The following MPPED2 variants were observed in gnomAD, a reference collection of about 807,000 sequenced individuals.
The protein encoded by MPPED2 is metallophosphoesterase MPPED2.
Under a neutral mutation model 33.0 loss-of-function variants are expected in MPPED2, and 5 were observed. The observed-to-expected ratio is 0.15, with a 90% CI of 0.08 to 0.32. The LOEUF is 0.32. MPPED2 is among the 10% of genes least tolerant of loss of function. The pLI is 1.00. For missense variants in MPPED2, 275 were observed against 372.1 expected (o/e 0.74, Z 2.15); for synonymous variants, 136 against 141.9 (o/e 0.96, Z 0.29).
intron 2 of MPPED2, among the ~76,000 whole-genome samples, chr11:30,565,791 C>A (rs923608109): frequency 2.0e-4 from 31 of 152,094 alleles, no homozygotes; most frequent in African/African-American, 7.5e-4. Flanking sequence ...GGATCTTTTC[C>A]TGATCATTTG....
intron 3 of MPPED2, among the ~76,000 whole-genome samples, chr11:30,509,711 G>A (rs1953042125): frequency 6.6e-6 from 1 of 152,164 alleles, no homozygotes; most frequent in South Asian, 2.1e-4. Flanking sequence ...AAAATCAAGG[G>A]ACAGCAGGGT....
chr11:30,480,126 C>A (rs758371516), intron 4 of MPPED2, among the ~76,000 whole-genome samples: 1 of 152,096 alleles, frequency 6.6e-6, no homozygotes, highest in African/African-American at 2.4e-5. Context: ...TGAAGCTTCT[C>A]GTGTTTGGGG....
At chr11:30,386,887 A>T in exon 7 of MPPED2, 1 of 397,742 alleles carries the variant, frequency 2.5e-6, no homozygotes, top group Non-Finnish European at 4.4e-6. Context: ...GCCAACACTT[A>T]TTAAGCATCT....
chr11:30,408,777 G>A (rs900260854), downstream of MPPED2, among the ~76,000 whole-genome samples: 2 of 152,208 alleles, frequency 1.3e-5, no homozygotes, highest in Non-Finnish European at 2.9e-5. Context: ...AGGCTTATGT[G>A]ACCTTACGCA....
chr11:30,413,615 C>A (rs1948211444), intron 6 of MPPED2, among the ~76,000 whole-genome samples: 1 of 152,206 alleles, frequency 6.6e-6, no homozygotes, highest in African/African-American at 2.4e-5. Flanking sequence ...TTCTGCTTAA[C>A]CTCAGCCTGA....
chr11:30,436,342 C>T (rs771801662), intron 4 of MPPED2, among the ~76,000 whole-genome samples: 1 of 152,166 alleles, frequency 6.6e-6, no homozygotes, highest in Non-Finnish European at 1.5e-5. Context: ...CTTGAAGCCA[C>T]TCCAAGGTTC....
intron 2 of MPPED2, among the ~76,000 whole-genome samples, chr11:30,536,530 C>G (rs569359421): frequency 6.6e-5 from 10 of 152,194 alleles, no homozygotes; most frequent in Non-Finnish European, 5.9e-5. Context: ...TCTCTCTCAT[C>G]ATGCTCCAAT....
downstream of MPPED2, among the ~76,000 whole-genome samples, chr11:30,384,274 G>A: frequency 6.6e-6 from 1 of 152,092 alleles, no homozygotes; most frequent in East Asian, 1.9e-4. Context: ...TTGAGTTCAG[G>A]AATCAATAAC....
intron 4 of MPPED2, among the ~76,000 whole-genome samples, chr11:30,466,512 C>G (rs1361114985): frequency 1.3e-5 from 2 of 152,178 alleles, no homozygotes; most frequent in Admixed American, 1.3e-4. Context: ...GAGGAAAGGG[C>G]CCTTCAGGGA....
chr11:30,572,295 T>C (rs1486698686), intron 2 of MPPED2, among the ~76,000 whole-genome samples: 1 of 152,136 alleles, frequency 6.6e-6, no homozygotes, highest in East Asian at 1.9e-4. Flanking sequence ...TAATTTTAGA[T>C]TGCTTCTTTA....
At chr11:30,496,179 A>G (rs539622311) in intron 3 of MPPED2, among the ~76,000 whole-genome samples, 22 of 152,230 alleles carry the variant, frequency 1.4e-4, no homozygotes, top group Non-Finnish European at 2.8e-4. Flanking sequence ...TATTTATGGT[A>G]TGGAAATGTG....
intron 3 of MPPED2, among the ~76,000 whole-genome samples, chr11:30,501,202 C>T (rs990409536): frequency 2.4e-4 from 37 of 152,160 alleles, no homozygotes; most frequent in African/African-American, 8.0e-4. Context: ...CTTTCCCAAT[C>T]GCCATCAATA....
chr11:30,552,251 G>A (rs1451885931), intron 2 of MPPED2, among the ~76,000 whole-genome samples: 2 of 152,172 alleles, frequency 1.3e-5, no homozygotes, highest in Admixed American at 6.5e-5. Context: ...AGCCATCTGC[G>A]AAGCCAGAAT....
At chr11:30,510,932 C>T (rs1471835038) in intron 3 of MPPED2, among the ~76,000 whole-genome samples, 3 of 152,144 alleles carry the variant, frequency 2.0e-5, no homozygotes, top group African/African-American at 7.2e-5. Flanking sequence ...ACTGTTTTTA[C>T]TTTTTAACTC....
intron 2 of MPPED2, among the ~76,000 whole-genome samples, chr11:30,539,979 G>A (rs759859075): frequency 1.3e-5 from 2 of 152,066 alleles, no homozygotes; most frequent in Non-Finnish European, 2.9e-5. Context: ...TCCTCCCCCT[G>A]TGCAACCCAT....
chr11:30,555,994 T>A (rs1565180952), intron 2 of MPPED2, among the ~76,000 whole-genome samples: 1 of 152,144 alleles, frequency 6.6e-6, no homozygotes, highest in African/African-American at 2.4e-5. Flanking sequence ...CCTTCTTAAA[T>A]TTTTCCACTC....
At chr11:30,517,162 C>T (rs759416848) in intron 3 of MPPED2, among the ~76,000 whole-genome samples, 1 of 152,100 alleles carries the variant, frequency 6.6e-6, no homozygotes, top group Non-Finnish European at 1.5e-5. Flanking sequence ...AGCACTTCTC[C>T]CTCCCCATTT....
rs147672482 is a variant in MPPED2 at position 30,460,814 on chromosome 11, T to G, written c.536+34482A>C. Among the ~76,000 whole-genome samples the G allele has an allele frequency of 3.5e-3, 527 of 152,290 alleles. 7 individuals carry two copies. The highest frequency in any genetic ancestry group is 0.012 in the African/African-American group (490 of 41,562). ...AGGGCAGTCACTGTGTACAGTGGTA[T>G]GACAATCCCTAAAAATACTAAGCAC... On this transcript the variant is annotated intron_variant, in intron 4 of 6. Transcript: ENST00000358117.
intron 4 of MPPED2, among the ~76,000 whole-genome samples, chr11:30,491,355 T>C (rs1020075769): frequency 3.3e-5 from 5 of 152,202 alleles, no homozygotes; most frequent in Non-Finnish European, 7.3e-5. Flanking sequence ...GTTTTACAAC[T>C]AAATGAAGAA....
Sources: allele counts gnomAD v4.1 joint callset (sites outside exome capture counted in the v4.1 genomes callset), GRCh38; gene constraint gnomAD v4.1.1; transcripts MANE v1.5; gene names NCBI Gene and HGNC (gene_info 2026-07-23, HGNC 2026-07-21).